MAP2: variants seen among roughly 807,000 people sequenced by gnomAD.
MAP2 encodes microtubule-associated protein 2.
MAP2 carries 14 observed loss-of-function variants against 137.6 expected under a neutral mutation model. The observed-to-expected ratio is 0.10, with a 90% CI of 0.07 to 0.16. MAP2 has a LOEUF of 0.16. MAP2 is among the 10% of genes least tolerant of loss of function. The pLI is 1.00. For synonymous variants in MAP2, 786 were observed against 782.3 expected (o/e 1.00, Z -0.08); for missense variants, 2,088 against 2,191.5 (o/e 0.95, Z 0.94).
chr2:209,478,914 A>G (rs568539831), intron 1 of MAP2, among the ~76,000 whole-genome samples: 2 of 152,224 alleles, frequency 1.3e-5, no homozygotes, highest in African/African-American at 2.4e-5. Flanking sequence ...AGATTCTTCC[A>G]GGGTTTGAAA....
At chr2:209,655,008 G>T (rs1559492228) in intron 5 of MAP2, among the ~76,000 whole-genome samples, 1 of 152,186 alleles carries the variant, frequency 6.6e-6, no homozygotes, top group Non-Finnish European at 1.5e-5. Context: ...ACTGCAGTGT[G>T]CTTGGTCATG....
At chr2:209,653,079 G>C in intron 4 of MAP2, 63 bp from the exon 5 acceptor site, 2 of 1,346,204 alleles carry the variant, frequency 1.5e-6, no homozygotes, top group South Asian at 1.6e-5. Context: ...TCCTATCTTG[G>C]TACAACCAAT....
Position 209,653,369 on chromosome 2 carries a change from T to A in MAP2, c.199T>A (p.Tyr67Asn). ...AFGEHGSQGT[Y>N]SNTKENGING... ...TGGAGAGCATGGGTCACAGGGCACC[T>A]ATTCAAATACCAAAGAGAATGGGAT... The change falls in exon 5 of 16, where the codon TAT becomes AAT. Residue 67 changes from tyrosine to asparagine, a missense_variant. Physicochemically the swap from Tyr to Asn is moderately radical, Grantham distance 143. Coordinates refer to ENST00000682079, the MANE Select transcript of MAP2 (RefSeq NM_001375505.1). The A allele has an allele frequency of 6.2e-7, 1 of 1,613,944 alleles. No homozygotes were observed. Among genetic ancestry groups the A allele is most frequent in the East Asian group, 2.2e-5 (1 of 44,878 alleles).
chr2:209,643,956 T>C (rs1338059174), intron 4 of MAP2, among the ~76,000 whole-genome samples: 1 of 152,236 alleles, frequency 6.6e-6, no homozygotes, highest in East Asian at 1.9e-4. Flanking sequence ...GGATGTTCCA[T>C]GTGTGTATTT....
intron 12 of MAP2, among the ~76,000 whole-genome samples, chr2:209,706,455 C>T (rs2063453061): frequency 6.6e-6 from 1 of 151,960 alleles, no homozygotes; most frequent in Non-Finnish European, 1.5e-5. Context: ...ATTAGCAAGA[C>T]TAATGACTAT....
At chr2:209,727,553 A>G (rs545087779) in intron 14 of MAP2, among the ~76,000 whole-genome samples, 1 of 152,364 alleles carries the variant, frequency 6.6e-6, no homozygotes, top group East Asian at 1.9e-4. Context: ...TTATAACTGA[A>G]TCAAATGACT....
intron 3 of MAP2, among the ~76,000 whole-genome samples, chr2:209,615,765 C>G (rs762352889): frequency 1.8e-4 from 27 of 152,296 alleles, no homozygotes; most frequent in South Asian, 4.1e-4. Context: ...GGATTGAGAA[C>G]TTGTGTTCCT....
chr2:209,474,408 C>T (rs746092795), intron 1 of MAP2, among the ~76,000 whole-genome samples: 6 of 151,892 alleles, frequency 4.0e-5, no homozygotes, highest in African/African-American at 7.3e-5. Context: ...GCAGTTATAT[C>T]GCTGTTAAAA....
At chr2:209,653,518 A>G (rs987790087) in intron 5 of MAP2, 86 bp downstream of exon 5, 1 of 1,363,080 alleles carries the variant, frequency 7.3e-7, no homozygotes, top group Admixed American at 2.5e-5. Flanking sequence ...TACAGCACTG[A>G]TCCTCTTTCA....
chr2:209,640,880 CTT>C (rs71043944), intron 4 of MAP2, among the ~76,000 whole-genome samples: 7 of 137,390 alleles, frequency 5.1e-5, no homozygotes, highest in African/African-American at 1.3e-4. Flanking sequence ...ATTATCTATT[CTT>C]TTTTTTTTTT....
Position 209,653,327 on chromosome 2 carries a change from G to T in MAP2, c.157G>T (p.Asp53Tyr). The T allele has an allele frequency of 3.7e-6, 6 of 1,614,156 alleles. No homozygotes were observed. Among genetic ancestry groups the T allele is most frequent in the Non-Finnish European group, 5.1e-6 (6 of 1,180,010 alleles). ...CGCCAATGGATTCCCATACAGGGAGGATGAAGAGGGTGCCTTTGGAGAGCA... is the reference window on the plus strand; with the variant it reads ...CGCCAATGGATTCCCATACAGGGAGTATGAAGAGGGTGCCTTTGGAGAGCA... ...RSANGFPYREDEEGAFGEHGS... is the reference protein window; with the variant it reads ...RSANGFPYREYEEGAFGEHGS... The change falls in exon 5 of 16, where the codon GAT becomes TAT. Residue 53 changes from aspartate to tyrosine, a missense_variant. By Grantham distance (160) the Asp-to-Tyr change is radical. Coordinates refer to ENST00000682079, the MANE Select transcript of MAP2 (RefSeq NM_001375505.1).
In MAP2 at chr2:209,692,856, C is replaced by G. The variant is rs757965958; in HGVS notation, c.686C>G (p.Thr229Ser). 2 of 1,613,628 alleles carry G rather than the reference C, an allele frequency of 1.2e-6. No homozygotes were observed. Among genetic ancestry groups the G allele is most frequent in the Admixed American group, 3.3e-5 (2 of 59,922 alleles). The change falls in exon 8 of 16, where the codon ACT becomes AGT. Residue 229 changes from threonine (T) to serine (S), a missense_variant. Physicochemically the swap from Thr to Ser is moderately conservative, Grantham distance 58. Coordinates refer to ENST00000682079, the MANE Select transcript of MAP2 (RefSeq NM_001375505.1). ...GCACCCCTAGCTTTGTTTGGGCACA[C>G]TCTTGTTGCCAGCCTGGAAGACATG... ...EKAPLALFGH[T>S]LVASLEDMKQ...
intron 7 of MAP2, among the ~76,000 whole-genome samples, chr2:209,691,081 G>T (rs1341945547): frequency 6.6e-6 from 1 of 152,116 alleles, no homozygotes; most frequent in East Asian, 1.9e-4. Flanking sequence ...GATACAATAC[G>T]CTTTGCAGCC....
intron 1 of MAP2, among the ~76,000 whole-genome samples, chr2:209,495,315 A>G (rs183637092): frequency 3.3e-4 from 50 of 152,362 alleles, no homozygotes; most frequent in African/African-American, 1.2e-3. Context: ...CAGATCTCCC[A>G]GCACAGTGCT....
chr2:209,523,345 G>A (rs7577172), intron 2 of MAP2, among the ~76,000 whole-genome samples: 4 of 152,250 alleles, frequency 2.6e-5, no homozygotes, highest in Admixed American at 6.5e-5. Context: ...AACTTAGTGC[G>A]TTGCTTGATA....
chr2:209,499,699 C>T lies in MAP2; in HGVS notation c.-221-7893C>T, dbSNP rs367797691. 3.0e-4 allele frequency among the ~76,000 whole-genome samples: 46 copies of T among 152,130 alleles called. 1 individual carries two copies. In the East Asian group the frequency reaches 4.6e-3, roughly 15 times the overall value. ...GGGGAGGCCTCAGGGGGCTTTTACTCATGGTGGAGAGCAACACAGGAGCAG... is the reference window on the plus strand; with the variant it reads ...GGGGAGGCCTCAGGGGGCTTTTACTTATGGTGGAGAGCAACACAGGAGCAG... On this transcript the variant is annotated intron_variant, in intron 1 of 15. Coordinates refer to ENST00000682079, the MANE Select transcript of MAP2 (RefSeq NM_001375505.1).
At chr2:209,663,483 A>G (rs1215705917) in intron 5 of MAP2, among the ~76,000 whole-genome samples, 1 of 152,226 alleles carries the variant, frequency 6.6e-6, no homozygotes, top group Non-Finnish European at 1.5e-5. Flanking sequence ...AGCCAAGCTG[A>G]TGAGCAGAGG....
At chr2:209,479,379 TTTACA>T (rs1360012213) in intron 1 of MAP2, among the ~76,000 whole-genome samples, 1 of 152,148 alleles carries the variant, frequency 6.6e-6, no homozygotes, top group African/African-American at 2.4e-5. Context: ...TTCACTGACA[TTTACA>T]TTAGTCTATT....
chr2:209,477,711 T>A (rs528886754), intron 1 of MAP2, among the ~76,000 whole-genome samples: 1 of 152,066 alleles, frequency 6.6e-6, no homozygotes. Flanking sequence ...TTGAAAATAC[T>A]AAAGGTTGGG....
Sources: gnomAD v4.1 joint callset for allele counts (sites outside exome capture counted in the v4.1 genomes callset) on GRCh38, gnomAD v4.1.1 for gene constraint, MANE v1.5 for transcripts, NCBI Gene and HGNC (gene_info 2026-07-23, HGNC 2026-07-21) for gene names.